Variants in TRDMT1 observed in about 807,000 individuals in gnomAD.
TRDMT1 encodes tRNA aspartic acid methyltransferase 1.
In TRDMT1, 49 loss-of-function variants were observed where a neutral mutation model predicts 51.2. That is an observed-to-expected ratio of 0.96 (90% CI 0.76 to 1.21). TRDMT1 has a LOEUF of 1.21. Ranked by LOEUF, TRDMT1 falls within the 50% of genes most tolerant of loss-of-function variation. TRDMT1 has a pLI of 0.00. For missense variants in TRDMT1, 534 were observed against 462.3 expected (o/e 1.16, Z -1.42); for synonymous variants, 187 against 164.6 (o/e 1.14, Z -1.04).
rs539049789 is a variant in TRDMT1, at chr10:17,154,212, C to G, written c.945+465G>C. Reference sequence around the variant, plus strand: ...TAAAAGTATTCAAAAAAATATAAAACTTGCTATATATTAGACTTGTATTCA... The same window carrying G: ...TAAAAGTATTCAAAAAAATATAAAAGTTGCTATATATTAGACTTGTATTCA... On this transcript the variant is annotated intron_variant, in intron 9 of 10. Coordinates refer to ENST00000377799, the MANE Select transcript of TRDMT1 (RefSeq NM_004412.7). Among the ~76,000 whole-genome samples the G allele has an allele frequency of 9.4e-4, 143 of 152,060 alleles. 1 individual carries two copies. Among genetic ancestry groups the G allele is most frequent in the South Asian group, 2.3e-3 (11 of 4,824 alleles).
At chr10:17,158,777 A>T (rs930079318) in intron 7 of TRDMT1, among the ~76,000 whole-genome samples, 1 of 152,214 alleles carries the variant, frequency 6.6e-6, no homozygotes. Flanking sequence ...TTAAGATAAA[A>T]TATTATCAAA....
intron 2 of TRDMT1, among the ~76,000 whole-genome samples, chr10:17,173,827 C>T (rs987107589): frequency 3.5e-5 from 5 of 144,772 alleles, no homozygotes; most frequent in African/African-American, 5.2e-5. Flanking sequence ...TGCAGTGGCG[C>T]GATCTCAGCT....
At chr10:17,179,503 G>A (rs1424429229) in intron 1 of TRDMT1, among the ~76,000 whole-genome samples, 2 of 151,366 alleles carry the variant, frequency 1.3e-5, no homozygotes, top group Admixed American at 1.3e-4. Context: ...GCATTTATCT[G>A]GAATATTATA....
intron 2 of TRDMT1, chr10:17,169,368 CATAT>C: frequency 8.1e-7 from 1 of 1,241,412 alleles, no homozygotes; most frequent in Non-Finnish European, 1.0e-6. Context: ...CCATCCCTTT[CATAT>C]ACATCTGTTA....
In TRDMT1 at chr10:17,147,090, T is replaced by G. The variant is rs546203559; in HGVS notation, c.*1950A>C. ...GTAACTCGACACTTATTTTGTATAA[T>G]GTTGCTCAACCGAATGTGGGATACT... On this transcript the variant is annotated 3_prime_UTR_variant, in exon 11 of 11. Transcript: ENST00000377799. 1 of 985,730 alleles carries G rather than the reference T, an allele frequency of 1.0e-6. No individual in the cohort carries two copies. Among genetic ancestry groups the G allele is most frequent in the African/African-American group, 1.7e-5 (1 of 57,264 alleles). 61.1% of individuals were successfully genotyped at this position (985,730 alleles called of 1,614,324 possible).
At chr10:17,184,099 C>T (rs1279463787) in intron 1 of TRDMT1, among the ~76,000 whole-genome samples, 1 of 152,158 alleles carries the variant, frequency 6.6e-6, no homozygotes, top group Non-Finnish European at 1.5e-5. Context: ...TATTCACATG[C>T]TTATAGAAGT....
rs547139638 is a variant in TRDMT1 at position 17,154,635 on chromosome 10, T to C, written c.945+42A>G. 1.7e-4 allele frequency: 259 copies of C among 1,503,202 alleles called. 4 individuals are homozygous for C. The South Asian group carries it at 2.5e-3, about 15-fold the overall frequency. 93.1% of individuals were successfully genotyped at this position (1,503,202 alleles called of 1,614,324 possible). On this transcript the variant is annotated intron_variant, in intron 9 of 10. Transcript: ENST00000377799. ...TCTCAAAGTATTAAACAATTTTAGT[T>C]AAAAGTTTTAAAGTGTTTTAGCTTT...
chr10:17,170,831 T>G (rs1841882490), intron 2 of TRDMT1, among the ~76,000 whole-genome samples: 1 of 142,196 alleles, frequency 7.0e-6, no homozygotes, highest in Non-Finnish European at 1.6e-5. Context: ...ATATTGTATA[T>G]TGTATGCTGT....
chr10:17,157,861 T>C, intron 7 of TRDMT1, 77 bp from the exon 8 acceptor site: 8 of 1,173,196 alleles, frequency 6.8e-6, no homozygotes, highest in East Asian at 2.5e-5. Flanking sequence ...CCAGTCAACA[T>C]TACGAAAACA....
At chr10:17,160,183 T>C (rs893145789) in intron 6 of TRDMT1, 122 bp downstream of exon 6, 7 of 541,758 alleles carry the variant, frequency 1.3e-5, no homozygotes, top group Non-Finnish European at 2.1e-5. Context: ...ATCTAAACTA[T>C]TTTCAGTTTA....
chr10:17,197,729 G>A (rs1353318978), intron 1 of TRDMT1, among the ~76,000 whole-genome samples: 2 of 152,116 alleles, frequency 1.3e-5, no homozygotes, highest in Non-Finnish European at 2.9e-5. Context: ...ATGACTAACA[G>A]GCACATGAAA....
rs141962488 is a variant in TRDMT1, at chr10:17,152,322, G to T, written c.1075+1185C>A. Among the ~76,000 whole-genome samples, 239 of 152,234 alleles carry T rather than the reference G, an allele frequency of 1.6e-3. 1 individual carries two copies. The highest frequency in any genetic ancestry group is 5.7e-3 in the African/African-American group (235 of 41,550). Reference sequence around the variant, plus strand: ...CAGGGAGTACAAAATAAAACTGGTTGCTGCGACTACACTCAGAGAATCAAT... The same window carrying T: ...CAGGGAGTACAAAATAAAACTGGTTTCTGCGACTACACTCAGAGAATCAAT... On this transcript the variant is annotated intron_variant, in intron 10 of 10. Coordinates refer to ENST00000377799, the MANE Select transcript of TRDMT1 (RefSeq NM_004412.7).
chr10:17,145,448 T>A lies in TRDMT1; in HGVS notation c.*3592A>T. 1.0e-6 allele frequency: 1 copy of A among 985,402 alleles called. No individual in the cohort carries two copies. Among genetic ancestry groups the A allele is most frequent in the South Asian group, 4.7e-5 (1 of 21,286 alleles). 61.0% of individuals were successfully genotyped at this position (985,402 alleles called of 1,614,324 possible). ...CTAGTAGACAGAGGTCCAAAGGCCA[T>A]GTCTTTAAAAATTATATAATCTCAA... On this transcript the variant is annotated 3_prime_UTR_variant, in exon 11 of 11. Transcript: ENST00000377799.
rs946590552 is a variant in TRDMT1 at position 17,193,357 on chromosome 10, C to T, written c.64+8214G>A. Among the ~76,000 whole-genome samples, 9 of 152,060 alleles carry T rather than the reference C, an allele frequency of 5.9e-5. No individual in the cohort carries two copies. The East Asian group carries it at 1.2e-3, about 20-fold the overall frequency. ...CACCCTGGGTGACAGAGTGAGAAGA[C>T]GTCAAACGATCTCTCTTTGCAGATG... On this transcript the variant is annotated intron_variant, in intron 1 of 10. Coordinates refer to ENST00000377799, the MANE Select transcript of TRDMT1 (RefSeq NM_004412.7).
rs563274118 is a variant in TRDMT1, at chr10:17,156,450, G to A, written c.887+991C>T. 1.4e-3 allele frequency among the ~76,000 whole-genome samples: 211 copies of A among 152,138 alleles called. 1 individual carries two copies. The highest frequency in any genetic ancestry group is 4.9e-3 in the African/African-American group (203 of 41,512). On this transcript the variant is annotated intron_variant, in intron 8 of 10. Coordinates refer to ENST00000377799, the MANE Select transcript of TRDMT1 (RefSeq NM_004412.7). ...GGGTTTCACCATGTTGGCCAGGCTA[G>A]TCTCAAACTCCTGACCTCAGGTGAT...
intron 10 of TRDMT1, chr10:17,150,469 G>T (rs946719476): frequency 2.0e-6 from 2 of 985,128 alleles, no homozygotes. Context: ...AAACAAAAAG[G>T]CCCATGGATC....
At chr10:17,183,579 G>A (rs992782170) in intron 1 of TRDMT1, among the ~76,000 whole-genome samples, 15 of 152,020 alleles carry the variant, frequency 9.9e-5, no homozygotes, top group African/African-American at 2.7e-4. Flanking sequence ...CACCACGCCC[G>A]GCTAATTTTT....
rs1263695029 is a variant in TRDMT1, at chr10:17,144,638, T to C, written c.*4402A>G. 1 of 985,274 alleles carries C rather than the reference T, an allele frequency of 1.0e-6. No homozygotes were observed. The highest frequency in any genetic ancestry group is 6.1e-5 in the Admixed American group (1 of 16,266). 61.0% of individuals were successfully genotyped at this position (985,274 alleles called of 1,614,324 possible). A position where few individuals can be genotyped will look rare whatever the true frequency, so the allele number is the denominator to read the frequency against. ...AAACAGCTCATTGTACATGCTCATA[T>C]TTCTTGAACAAATATATTTAAAAAG... On this transcript the variant is annotated 3_prime_UTR_variant, in exon 11 of 11. Transcript: ENST00000377799.
intron 10 of TRDMT1, 33 bp from the exon 11 acceptor site, chr10:17,149,173 T>C (rs764384739): frequency 1.3e-6 from 2 of 1,531,612 alleles, no homozygotes; most frequent in South Asian, 2.3e-5. Context: ...AAAGAAATCA[T>C]TTGTAATCAC....
Sources: gnomAD v4.1 joint callset for allele counts (sites outside exome capture counted in the v4.1 genomes callset) on GRCh38, gnomAD v4.1.1 for gene constraint, MANE v1.5 for transcripts, NCBI Gene and HGNC (gene_info 2026-07-23, HGNC 2026-07-21) for gene names.